Variants in PPP1R1C observed in about 807,000 individuals in gnomAD.
PPP1R1C encodes protein phosphatase 1 regulatory subunit 1C.
Under a neutral mutation model 17.4 loss-of-function variants are expected in PPP1R1C, and 15 were observed. The observed-to-expected ratio is 0.86, with a 90% CI of 0.58 to 1.33. The LOEUF is 1.33. Ranked by LOEUF, PPP1R1C falls within the 40% of genes most tolerant of loss-of-function variation. The probability of loss-of-function intolerance (pLI) is 0.00; values close to 1 mark genes in which losing one functional copy is unlikely to be tolerated. For missense variants in PPP1R1C, 143 were observed against 130.0 expected (o/e 1.10, Z -0.48); for synonymous variants, 35 against 43.1 (o/e 0.81, Z 0.73).
chr2:182,099,029 C>T (rs1294490150), intron 4 of PPP1R1C, among the ~76,000 whole-genome samples: 1 of 152,004 alleles, frequency 6.6e-6, no homozygotes, highest in Non-Finnish European at 1.5e-5. Flanking sequence ...GGGGAGGTCA[C>T]CAAATTAGTA....
chr2:182,056,114 G>C (rs879736828), intron 2 of PPP1R1C, among the ~76,000 whole-genome samples: 14 of 152,266 alleles, frequency 9.2e-5, no homozygotes, highest in Admixed American at 9.2e-4. Context: ...GTGGTGGCTT[G>C]TTCTAAAATG....
At chr2:182,128,462 C>A (rs925794042) in intron 5 of PPP1R1C, among the ~76,000 whole-genome samples, 1 of 151,890 alleles carries the variant, frequency 6.6e-6, no homozygotes, top group African/African-American at 2.4e-5. Context: ...TTCTAATTTT[C>A]TTTCAAGAAC....
intron 2 of PPP1R1C, among the ~76,000 whole-genome samples, chr2:181,996,401 G>A (rs1379947437): frequency 6.6e-6 from 1 of 152,130 alleles, no homozygotes; most frequent in Non-Finnish European, 1.5e-5. Context: ...ACTCATTTCA[G>A]ATCTTCCCTA....
At chr2:182,123,769 A>G (rs1414911401) in intron 5 of PPP1R1C, among the ~76,000 whole-genome samples, 1 of 152,046 alleles carries the variant, frequency 6.6e-6, no homozygotes, top group East Asian at 1.9e-4. Context: ...TATCAAATAG[A>G]TAGATTGCAA....
intron 4 of PPP1R1C, among the ~76,000 whole-genome samples, chr2:182,069,243 G>A (rs1688073412): frequency 1.3e-5 from 2 of 151,816 alleles, no homozygotes; most frequent in South Asian, 2.1e-4. Flanking sequence ...AGATAACAAG[G>A]AACATTCTAA....
At chr2:181,996,243 A>G (rs914276373) in intron 2 of PPP1R1C, among the ~76,000 whole-genome samples, 7 of 152,172 alleles carry the variant, frequency 4.6e-5, no homozygotes, top group African/African-American at 1.7e-4. Context: ...CCTTAGAAAA[A>G]TTGCCTACCT....
intron 4 of PPP1R1C, among the ~76,000 whole-genome samples, chr2:182,104,673 G>A (rs941433534): frequency 6.6e-6 from 1 of 152,088 alleles, no homozygotes; most frequent in African/African-American, 2.4e-5. Flanking sequence ...GTTTATTTAG[G>A]TGAGGATTTT....
intron 4 of PPP1R1C, among the ~76,000 whole-genome samples, chr2:182,085,999 C>T (rs1688617319): frequency 6.6e-6 from 1 of 151,750 alleles, no homozygotes; most frequent in African/African-American, 2.4e-5. Flanking sequence ...GTATACTAAT[C>T]AGATATTAGA....
At chr2:181,986,271 TTTA>T in intron 1 of PPP1R1C, 80 bp downstream of exon 1, 1 of 1,157,538 alleles carries the variant, frequency 8.6e-7, no homozygotes, top group Admixed American at 1.8e-5. Context: ...TGAAAGGTTC[TTTA>T]CCTTTTGATT....
chr2:182,099,621 A>C (rs1188282524), intron 4 of PPP1R1C, among the ~76,000 whole-genome samples: 1 of 152,248 alleles, frequency 6.6e-6, no homozygotes, highest in Admixed American at 6.5e-5. Context: ...TTATATTTTC[A>C]AAGCCAAATT....
chr2:181,956,075 C>T (rs943480872), intron 1 of PPP1R1C, among the ~76,000 whole-genome samples: 3 of 152,004 alleles, frequency 2.0e-5, no homozygotes, highest in Non-Finnish European at 2.9e-5. Context: ...ACAGGCCTGG[C>T]GTGTGAGGTT....
At chr2:182,000,979 A>G (rs1559051443) in intron 2 of PPP1R1C, among the ~76,000 whole-genome samples, 2 of 152,186 alleles carry the variant, frequency 1.3e-5, no homozygotes, top group Non-Finnish European at 2.9e-5. Context: ...CTGTGGAAGG[A>G]AAATAGAGGT....
At position 181,957,118 on chromosome 2, in the gene PPP1R1C, G is replaced by A. The variant is rs1684682622; in HGVS notation, n.111+2484G>A. On this transcript the variant is annotated intron_variant and non_coding_transcript_variant, in intron 1 of 5. Coordinates refer to the PPP1R1C transcript ENST00000464264. The surrounding 1 kb of genome is among the most constrained non-coding windows in gnomAD (Gnocchi z 4.2). ...TTCACGCCTGTAATCTCACCACTTT[G>A]GGAGGCTGAGGTGGGCGGATTATCT... is the stretch of plus-strand genomic sequence containing the variant. Among the ~76,000 whole-genome samples the A allele has an allele frequency of 6.6e-6, 1 of 152,152 alleles. No individual in the cohort carries two copies. Among genetic ancestry groups the A allele is most frequent in the Non-Finnish European group, 1.5e-5 (1 of 68,030 alleles).
chr2:182,111,442 A>C (rs1553514035), intron 4 of PPP1R1C, among the ~76,000 whole-genome samples: 1 of 152,164 alleles, frequency 6.6e-6, no homozygotes, highest in Non-Finnish European at 1.5e-5. Context: ...TCTACATATA[A>C]TTTACGTCAA....
intron 2 of PPP1R1C, among the ~76,000 whole-genome samples, chr2:182,019,344 T>A (rs1000383882): frequency 6.6e-6 from 1 of 152,188 alleles, no homozygotes; most frequent in African/African-American, 2.4e-5. Flanking sequence ...TTGCCATCCC[T>A]TGGGTGGAGT....
intron 4 of PPP1R1C, among the ~76,000 whole-genome samples, chr2:182,102,502 A>C (rs1328801364): frequency 6.6e-6 from 1 of 152,238 alleles, no homozygotes; most frequent in Non-Finnish European, 1.5e-5. Flanking sequence ...GGAAGAAATA[A>C]AAGAATAAAT....
intron 3 of PPP1R1C, among the ~76,000 whole-genome samples, chr2:182,063,272 G>A (rs1325022902): frequency 6.6e-6 from 1 of 151,940 alleles, no homozygotes; most frequent in Middle Eastern, 3.4e-3. Flanking sequence ...ATTCAAGAGG[G>A]TTAAAGATTG....
intron 5 of PPP1R1C, among the ~76,000 whole-genome samples, chr2:182,127,692 T>C (rs1689908643): frequency 6.6e-6 from 1 of 152,102 alleles, no homozygotes; most frequent in Admixed American, 6.6e-5. Flanking sequence ...GTCACCGGAC[T>C]ATCCCTTGAT....
At chr2:181,965,872 G>A (rs1444074731) in intron 1 of PPP1R1C, among the ~76,000 whole-genome samples, 2 of 152,142 alleles carry the variant, frequency 1.3e-5, no homozygotes, top group African/African-American at 4.8e-5. Flanking sequence ...GGCTTGCACT[G>A]AATCTGTAGA....
Sources: allele counts gnomAD v4.1 joint callset (sites outside exome capture counted in the v4.1 genomes callset), GRCh38; gene constraint gnomAD v4.1.1; non-coding constraint Gnocchi (gnomAD v3.1); transcripts MANE v1.5; gene names NCBI Gene and HGNC (gene_info 2026-07-23, HGNC 2026-07-21).